RASSF3: variants seen among roughly 807,000 people sequenced by gnomAD.
RASSF3 encodes the protein Ras association domain family member 3.
RASSF3 carries 19 observed loss-of-function variants against 19.9 expected under a neutral mutation model. The observed-to-expected ratio is 0.96, with a 90% CI of 0.67 to 1.40. The LOEUF is 1.40. RASSF3 is among the 40% of genes most tolerant of loss of function. RASSF3 has a pLI of 0.00. For missense variants in RASSF3, 306 were observed against 289.8 expected (o/e 1.06, Z -0.41); for synonymous variants, 110 against 104.2 (o/e 1.06, Z -0.34).
intron 2 of RASSF3, among the ~76,000 whole-genome samples, chr12:64,585,601 C>CTTT (rs35374871): frequency 1.6e-4 from 15 of 96,264 alleles, no homozygotes; most frequent in African/African-American, 2.7e-4. Flanking sequence ...TAGGCAAGTC[C>CTTT]TTTTTTTTTT....
At chr12:64,585,649 G>GGCT (rs1208485656) in intron 2 of RASSF3, among the ~76,000 whole-genome samples, 24 of 147,976 alleles carry the variant, frequency 1.6e-4, no homozygotes, top group African/African-American at 6.0e-4. Context: ...CTGTCACCCA[G>GGCT]GCTGCAGTGC....
intron 2 of RASSF3, among the ~76,000 whole-genome samples, chr12:64,556,706 G>C (rs1869261820): frequency 6.6e-6 from 1 of 152,074 alleles, no homozygotes; most frequent in African/African-American, 2.4e-5. Context: ...CTGTATCCCA[G>C]ATCTACTTTT....
intron 2 of RASSF3, among the ~76,000 whole-genome samples, chr12:64,556,819 C>T (rs972390805): frequency 1.3e-5 from 2 of 149,870 alleles, no homozygotes; most frequent in Admixed American, 1.4e-4. Flanking sequence ...TTCCTTCCAT[C>T]CCTGCCCCCT....
chr12:64,630,680 G>A (rs769774768), intron 1 of RASSF3, among the ~76,000 whole-genome samples: 3 of 152,192 alleles, frequency 2.0e-5, no homozygotes, highest in Non-Finnish European at 4.4e-5. Flanking sequence ...CATGAATGTG[G>A]GGATGAAGTA....
downstream of RASSF3, among the ~76,000 whole-genome samples, chr12:64,546,338 T>G (rs1226472998): frequency 6.6e-6 from 1 of 152,152 alleles, no homozygotes; most frequent in African/African-American, 2.4e-5. Context: ...TGGCGCGATC[T>G]TGGCTCACTG....
intron 2 of RASSF3, among the ~76,000 whole-genome samples, chr12:64,560,427 C>T (rs1170915951): frequency 6.6e-6 from 1 of 152,176 alleles, no homozygotes; most frequent in Non-Finnish European, 1.5e-5. Context: ...TAGCAGTAAT[C>T]AGTCAACTCT....
At chr12:64,525,208 C>T (rs1200331608) in intron 1 of RASSF3, among the ~76,000 whole-genome samples, 4 of 152,058 alleles carry the variant, frequency 2.6e-5, no homozygotes, top group African/African-American at 7.2e-5. Context: ...CCTGGAAAGC[C>T]GCGGTTGCAG....
chr12:64,656,625 G>T (rs1872169190), intron 1 of RASSF3, among the ~76,000 whole-genome samples: 1 of 152,126 alleles, frequency 6.6e-6, no homozygotes, highest in South Asian at 2.1e-4. Context: ...CTGACTTTGT[G>T]CAGTGAAAGT....
intron 2 of RASSF3, among the ~76,000 whole-genome samples, chr12:64,591,635 A>G (rs544046900): frequency 8.1e-4 from 124 of 152,278 alleles, no homozygotes; most frequent in South Asian, 5.0e-3. Flanking sequence ...TACATATTTC[A>G]AGATATATTT....
chr12:64,647,016 G>T (rs911478047), intron 1 of RASSF3, among the ~76,000 whole-genome samples: 1 of 152,164 alleles, frequency 6.6e-6, no homozygotes, highest in Non-Finnish European at 1.5e-5. Flanking sequence ...TATCTAGCTA[G>T]TAAGTGCAGA....
intron 1 of RASSF3, among the ~76,000 whole-genome samples, chr12:64,682,767 G>A (rs1873185942): frequency 1.3e-5 from 2 of 152,150 alleles, no homozygotes; most frequent in African/African-American, 4.8e-5. Flanking sequence ...ACCAGTGCCT[G>A]CCTGGAGACT....
chr12:64,613,924 G>C (rs1185847397), intron 1 of RASSF3, among the ~76,000 whole-genome samples: 1 of 152,040 alleles, frequency 6.6e-6, no homozygotes, highest in Non-Finnish European at 1.5e-5. Flanking sequence ...CTCCAGCCTG[G>C]GCAACAGAGC....
intron 1 of RASSF3, among the ~76,000 whole-genome samples, chr12:64,675,202 G>A (rs189002068): frequency 6.6e-6 from 1 of 151,952 alleles, no homozygotes; most frequent in Non-Finnish European, 1.5e-5. Context: ...TAAGAAAAAA[G>A]AAATATTTGT....
At chr12:64,556,131 A>G (rs1287088498) in intron 2 of RASSF3, among the ~76,000 whole-genome samples, 1 of 152,148 alleles carries the variant, frequency 6.6e-6, no homozygotes, top group Non-Finnish European at 1.5e-5. Flanking sequence ...TTGGGTGGGA[A>G]GAGTCTGAGG....
At chr12:64,624,418 T>C (rs1308468765) in intron 1 of RASSF3, among the ~76,000 whole-genome samples, 1 of 151,808 alleles carries the variant, frequency 6.6e-6, no homozygotes, top group African/African-American at 2.4e-5. Flanking sequence ...TCATTGTACC[T>C]CTTTGTTTTT....
At chr12:64,570,989 G>A (rs1869508914) in intron 2 of RASSF3, among the ~76,000 whole-genome samples, 1 of 152,126 alleles carries the variant, frequency 6.6e-6, no homozygotes, top group Non-Finnish European at 1.5e-5. Flanking sequence ...AGGCCGAGAT[G>A]GGTGGACCAC....
At chr12:64,620,428 AC>A in intron 1 of RASSF3, among the ~76,000 whole-genome samples, 1 of 152,062 alleles carries the variant, frequency 6.6e-6, no homozygotes, top group East Asian at 1.9e-4. Context: ...TCTCTTAAAG[AC>A]CCCTCTTAAA....
rs532199307 is a variant in RASSF3 at position 64,605,157 on chromosome 12, A to AT, written c.294+63460dup. ...CCCACCACATTCAGCTAATTTTTGT[A>AT]TTTTTTTTAGTAGAGATGGGGTATC... On this transcript the variant is annotated intron_variant, in intron 2 of 5. Coordinates refer to the RASSF3 transcript ENST00000637125. Among the ~76,000 whole-genome samples the AT allele has an allele frequency of 3.4e-3, 507 of 149,208 alleles. 5 individuals carry two copies. Among genetic ancestry groups the AT allele is most frequent in the African/African-American group, 0.012 (484 of 40,606 alleles).
intron 1 of RASSF3, among the ~76,000 whole-genome samples, chr12:64,682,083 C>T (rs1270559287): frequency 1.3e-5 from 2 of 152,172 alleles, no homozygotes. Flanking sequence ...TTTCCCCCAC[C>T]AAACACTAAT....
Sources: allele counts gnomAD v4.1 joint callset (sites outside exome capture counted in the v4.1 genomes callset), GRCh38; gene constraint gnomAD v4.1.1; transcripts MANE v1.5; gene names NCBI Gene and HGNC (gene_info 2026-07-23, HGNC 2026-07-21).